Variants in RTL9 observed in about 807,000 individuals in gnomAD.
The protein encoded by RTL9 is retrotransposon Gag-like protein 9.
A neutral mutation model predicts 44.7 loss-of-function variants in RTL9; 19 were observed. The observed-to-expected ratio is 0.42, with a 90% CI of 0.30 to 0.62. The LOEUF is 0.62. Ranked by LOEUF, RTL9 falls within the 20% of genes least tolerant of loss-of-function variation. The pLI is 0.16. For missense variants in RTL9, 1,105 were observed against 1,080.6 expected (o/e 1.02, Z -0.32); for synonymous variants, 407 against 398.9 (o/e 1.02, Z -0.24).
intron 1 of RTL9, among the ~76,000 whole-genome samples, chrX:110,433,678 C>A (rs2068815245): frequency 8.9e-6 from 1 of 111,931 alleles, no homozygotes; most frequent in African/African-American, 3.3e-5. Context: ...CACTCTCAAT[C>A]ATGAAAAGAG....
chrX:110,366,323 CAG>C (rs769993893), intron 1 of RTL9, among the ~76,000 whole-genome samples: 61 of 111,830 alleles, frequency 5.5e-4, no homozygotes, highest in Non-Finnish European at 9.4e-4. Flanking sequence ...CGAGAATATT[CAG>C]AGTCCTTAAT....
intron 1 of RTL9, among the ~76,000 whole-genome samples, chrX:110,438,009 C>A (rs1046280454): frequency 3.6e-5 from 4 of 111,797 alleles, no homozygotes; most frequent in Non-Finnish European, 5.6e-5. Flanking sequence ...TCCGTAGTCT[C>A]TGCCCCAATA....
At chrX:110,447,341 T>A (rs886829152), upstream of RTL9, among the ~76,000 whole-genome samples, 7 of 108,922 alleles carry the variant, frequency 6.4e-5, no homozygotes, top group Non-Finnish European at 1.1e-4. Context: ...GGTGAAGCCC[T>A]CAGCCCCATT....
rs763322505 is a variant in RTL9, at chrX:110,376,622, A to G, written c.-168+17706A>G. Among the ~76,000 whole-genome samples, 26 of 112,573 alleles carry G rather than the reference A, an allele frequency of 2.3e-4. No homozygotes were observed. The Middle Eastern group carries it at 0.018, about 80-fold the overall frequency. ...TGAGGCAGCACCAACACTCAGAAGA[A>G]AACAAAAAAGAAACTCTTTTAGTGG... On this transcript the variant is annotated intron_variant, in intron 1 of 2. Transcript: ENST00000520821.
At chrX:110,433,527 C>G (rs1436625650) in intron 1 of RTL9, among the ~76,000 whole-genome samples, 1 of 111,472 alleles carries the variant, frequency 9.0e-6, no homozygotes, top group Non-Finnish European at 1.9e-5. Flanking sequence ...CTAATAAACA[C>G]CAGGCACATT....
chrX:110,423,418 G>A (rs926841440), intron 1 of RTL9, among the ~76,000 whole-genome samples: 1 of 111,380 alleles, frequency 9.0e-6, no homozygotes, highest in Non-Finnish European at 1.9e-5. Context: ...GAAGGAGAAC[G>A]AGAAGATGTG....
At chrX:110,450,806 A>T in exon 1 of RTL9, 2 of 1,210,861 alleles carry the variant, frequency 1.7e-6, no homozygotes, top group Non-Finnish European at 2.2e-6. Flanking sequence ...GGACATCCAC[A>T]CAGTTGATGA....
chrX:110,388,924 G>A (rs113441006), intron 1 of RTL9, among the ~76,000 whole-genome samples: 1,555 of 112,353 alleles, frequency 0.014, 28 homozygotes, highest in African/African-American at 0.048. Context: ...AAACCAGAAT[G>A]GTCAGATTCC....
intron 1 of RTL9, among the ~76,000 whole-genome samples, chrX:110,389,837 C>T (rs1029603172): frequency 3.6e-5 from 4 of 111,447 alleles, no homozygotes; most frequent in African/African-American, 9.8e-5. Flanking sequence ...AGAAGTCAGA[C>T]AGTCAGGTCA....
intron 1 of RTL9, among the ~76,000 whole-genome samples, chrX:110,391,295 A>T (rs760864443): frequency 4.5e-5 from 5 of 111,913 alleles, no homozygotes; most frequent in Non-Finnish European, 7.5e-5. Flanking sequence ...TGTGACTGCC[A>T]CATGGGCCCT....
intron 1 of RTL9, among the ~76,000 whole-genome samples, chrX:110,425,570 C>T (rs754369797): frequency 4.4e-5 from 5 of 113,117 alleles, no homozygotes; most frequent in Non-Finnish European, 7.5e-5. Flanking sequence ...TGAGAAAGGC[C>T]TAGCCTAACA....
intron 1 of RTL9, among the ~76,000 whole-genome samples, chrX:110,433,977 T>C (rs2068817557): frequency 2.7e-5 from 3 of 111,439 alleles, no homozygotes; most frequent in Middle Eastern, 4.6e-3. Context: ...GAGGCACACA[T>C]AAGCCCTCAT....
intron 1 of RTL9, among the ~76,000 whole-genome samples, chrX:110,432,336 G>A (rs1236475677): frequency 5.3e-5 from 6 of 112,325 alleles, no homozygotes; most frequent in Non-Finnish European, 1.1e-4. Context: ...ACCCCCTGCC[G>A]GGTTCTTTCT....
Position 110,453,447 on chromosome X carries a change from A to G in RTL9, c.2830A>G (p.Met944Val), listed in dbSNP as rs368423188. ...TATGTCCACTGCACAAACAACAGCC[A>G]TGGTCTCTGGAGGGATGTCCAAGCC... is the stretch of plus-strand genomic sequence containing the variant. The change falls in exon 1 of 2, where the codon ATG becomes GTG. Residue 944 changes from methionine (M) to valine (V), a missense_variant. By Grantham distance (21) the Met-to-Val change is conservative (BLOSUM62 1). Transcript: ENST00000540313. The G allele has an allele frequency of 4.2e-5, 51 of 1,209,795 alleles. No individual in the cohort carries two copies. The African/African-American group carries it at 7.4e-4, about 17-fold the overall frequency.
chrX:110,384,074 C>T (rs990123984), intron 1 of RTL9, among the ~76,000 whole-genome samples: 1 of 111,816 alleles, frequency 8.9e-6, no homozygotes. Flanking sequence ...TTATTGTTAT[C>T]GTATATATAA....
intron 1 of RTL9, among the ~76,000 whole-genome samples, chrX:110,381,145 CACCCT>C (rs2068415874): frequency 9.0e-6 from 1 of 111,727 alleles, no homozygotes; most frequent in Admixed American, 9.5e-5. Context: ...TATCGACAGG[CACCCT>C]ACAGAACTGG....
intron 1 of RTL9, among the ~76,000 whole-genome samples, chrX:110,434,681 C>T (rs2068823312): frequency 9.0e-6 from 1 of 111,482 alleles, no homozygotes; most frequent in African/African-American, 3.3e-5. Flanking sequence ...TCTGTTTGGA[C>T]TTGCTGGGTT....
intron 1 of RTL9, among the ~76,000 whole-genome samples, chrX:110,363,968 A>G (rs1292773140): frequency 8.9e-6 from 1 of 112,107 alleles, no homozygotes; most frequent in Non-Finnish European, 1.9e-5. Context: ...GTGGTATATT[A>G]GTTTTCTGTG....
upstream of RTL9, among the ~76,000 whole-genome samples, chrX:110,417,742 T>C (rs965174363): frequency 2.7e-5 from 3 of 112,454 alleles, no homozygotes; most frequent in Non-Finnish European, 5.6e-5. Flanking sequence ...CAAAAAACAC[T>C]TACTGAGCTC....
Sources: gnomAD v4.1 joint callset for allele counts (sites outside exome capture counted in the v4.1 genomes callset) on GRCh38, gnomAD v4.1.1 for gene constraint, MANE v1.5 for transcripts, NCBI Gene and HGNC (gene_info 2026-07-23, HGNC 2026-07-21) for gene names.